Variants in AMZ2 observed in about 807,000 individuals in gnomAD.
AMZ2 encodes the protein archaelysin family metallopeptidase 2, also known as archaemetzincin-2.
AMZ2 carries 26 observed loss-of-function variants against 36.7 expected under a neutral mutation model. That is an observed-to-expected ratio of 0.71 (90% CI 0.52 to 0.98). AMZ2 has a LOEUF of 0.98. AMZ2 is among the 50% of genes least tolerant of loss of function. The pLI, the probability that AMZ2 is intolerant of heterozygous loss-of-function variation, is 0.00. For synonymous variants in AMZ2, 144 were observed against 149.1 expected (o/e 0.97, Z 0.25); for missense variants, 394 against 430.5 (o/e 0.92, Z 0.75).
At chr17:68,249,660 G>GT (rs111617003) in intron 1 of AMZ2, 321 of 135,320 alleles carry the variant, frequency 2.4e-3, no homozygotes, top group South Asian at 4.4e-3. Flanking sequence ...TCACCGTGAG[G>GT]TTTTTTTTTT....
At chr17:68,220,356 T>C (rs1219429379) in intron 1 of AMZ2, among the ~76,000 whole-genome samples, 4 of 152,156 alleles carry the variant, frequency 2.6e-5, no homozygotes, top group African/African-American at 9.7e-5. Flanking sequence ...ACCTACTGCA[T>C]TGATCTCGGT....
At chr17:68,212,357 A>G (rs7217788) in intron 1 of AMZ2, among the ~76,000 whole-genome samples, 87,512 of 151,678 alleles carry the variant, frequency 0.58, 28,130 homozygotes, top group African/African-American at 0.87. Flanking sequence ...GGGTGACAGA[A>G]CCAAATCTTG....
intron 1 of AMZ2, among the ~76,000 whole-genome samples, chr17:68,207,796 G>A (rs560099935): frequency 6.6e-6 from 1 of 152,232 alleles, no homozygotes; most frequent in Non-Finnish European, 1.5e-5. Flanking sequence ...TACTGTGGGA[G>A]CCCCTTTCTG....
intron 1 of AMZ2, among the ~76,000 whole-genome samples, chr17:68,215,839 G>C (rs1388635080): frequency 6.6e-6 from 1 of 150,928 alleles, no homozygotes; most frequent in African/African-American, 2.4e-5. Flanking sequence ...CACTCTCACT[G>C]CCTCTTTCTT....
At chr17:68,211,714 GTATATA>G (rs1169012916) in intron 1 of AMZ2, among the ~76,000 whole-genome samples, 1 of 106,776 alleles carries the variant, frequency 9.4e-6, no homozygotes, top group Non-Finnish European at 2.1e-5. Context: ...ATATGTATAT[GTATATA>G]TATGTATATG....
chr17:68,211,486 A>G (rs2073043497), intron 1 of AMZ2, among the ~76,000 whole-genome samples: 3 of 147,904 alleles, frequency 2.0e-5, no homozygotes, highest in Non-Finnish European at 4.4e-5. Flanking sequence ...CTGGGCAACA[A>G]AGCAAGATTC....
chr17:68,228,803 T>G (rs1345005483), intron 1 of AMZ2, among the ~76,000 whole-genome samples: 1 of 152,252 alleles, frequency 6.6e-6, no homozygotes, highest in Non-Finnish European at 1.5e-5. Context: ...CATTTCCACC[T>G]GCTCCTCCTG....
intron 1 of AMZ2, among the ~76,000 whole-genome samples, chr17:68,237,646 A>T (rs1263984811): frequency 1.3e-5 from 2 of 151,918 alleles, no homozygotes; most frequent in African/African-American, 4.8e-5. Context: ...TCCTAGGGTA[A>T]CCCCCTCGGC....
chr17:68,220,290 A>G (rs1321597810), intron 1 of AMZ2, among the ~76,000 whole-genome samples: 2 of 151,080 alleles, frequency 1.3e-5, no homozygotes, highest in African/African-American at 4.9e-5. Context: ...GAGGCAGAAG[A>G]TCAGCCCTGC....
At chr17:68,228,312 T>G (rs2073568624) in intron 1 of AMZ2, among the ~76,000 whole-genome samples, 1 of 152,102 alleles carries the variant, frequency 6.6e-6, no homozygotes, top group African/African-American at 2.4e-5. Context: ...AAGGGAAACT[T>G]CTCATCTGAC....
chr17:68,209,496 TAG>T (rs1555725198), intron 1 of AMZ2, among the ~76,000 whole-genome samples: 2 of 151,656 alleles, frequency 1.3e-5, no homozygotes, highest in African/African-American at 2.4e-5. Context: ...GCCCGGCCTT[TAG>T]ATGTGTCTTG....
At chr17:68,232,015 C>T (rs1184035033) in intron 1 of AMZ2, among the ~76,000 whole-genome samples, 4 of 145,692 alleles carry the variant, frequency 2.7e-5, no homozygotes, top group African/African-American at 1.0e-4. Flanking sequence ...AGAACCAATG[C>T]ATATGGATTA....
chr17:68,255,672 A>T, intron 5 of AMZ2, 28 bp from the exon 6 acceptor site: 1 of 1,603,988 alleles, frequency 6.2e-7, no homozygotes. Context: ...TGGTGGTCTT[A>T]TAAAGCCTCA....
chr17:68,253,695 C>T (rs529251844), intron 4 of AMZ2, among the ~76,000 whole-genome samples: 18 of 152,034 alleles, frequency 1.2e-4, no homozygotes, highest in Non-Finnish European at 1.2e-4. Context: ...TCCAGACACA[C>T]GTGTAACAGA....
intron 1 of AMZ2, among the ~76,000 whole-genome samples, chr17:68,241,851 G>A (rs1387903984): frequency 2.6e-5 from 4 of 151,096 alleles, no homozygotes; most frequent in African/African-American, 7.3e-5. Context: ...CAGCCTCCAA[G>A]TAGCTGGGAT....
chr17:68,214,664 C>CT lies in AMZ2; in HGVS notation c.-67+8431dup, dbSNP rs2073150199. Among the ~76,000 whole-genome samples, 3 of 152,206 alleles carry CT rather than the reference C, an allele frequency of 2.0e-5. No individual in the cohort carries two copies. In the South Asian group the frequency reaches 6.2e-4, roughly 32 times the overall value. On this transcript the variant is annotated intron_variant, in intron 1 of 7. Transcript: ENST00000674770. ...GGATTGTGTTCTCAACTTCACCTTCCTTTTTAGTTGGAGATCAGACTTTCT... is the reference window on the plus strand; with the variant it reads ...GGATTGTGTTCTCAACTTCACCTTCCTTTTTTAGTTGGAGATCAGACTTTCT...
chr17:68,206,974 T>C (rs1698040176), intron 1 of AMZ2: 1 of 152,406 alleles, frequency 6.6e-6, no homozygotes, highest in African/African-American at 2.4e-5. Context: ...AAAATTGTTT[T>C]TGGTTAAATC....
intron 1 of AMZ2, chr17:68,207,023 G>A (rs1278934465): frequency 2.6e-5 from 4 of 152,214 alleles, no homozygotes; most frequent in African/African-American, 7.2e-5. Context: ...GCGCATCTTA[G>A]CTCATTTGAT....
chr17:68,210,765 T>C (rs1162670564), intron 1 of AMZ2, among the ~76,000 whole-genome samples: 22 of 151,956 alleles, frequency 1.4e-4, no homozygotes, highest in African/African-American at 4.8e-4. Flanking sequence ...CTGGGCAACA[T>C]AGAGAAATCC....
Sources: allele counts gnomAD v4.1 joint callset (sites outside exome capture counted in the v4.1 genomes callset), GRCh38; gene constraint gnomAD v4.1.1; transcripts MANE v1.5; gene names NCBI Gene and HGNC (gene_info 2026-07-23, HGNC 2026-07-21).